The following H2BC21 variants were observed in gnomAD, a reference collection of about 807,000 sequenced individuals.
H2BC21 encodes the protein histone H2B type 2-E.
H2BC21 carries 2 observed loss-of-function variants against 6.2 expected under a neutral mutation model. That is an observed-to-expected ratio of 0.32 (90% CI 0.13 to 1.02). The LOEUF (loss-of-function observed/expected upper bound fraction) is 1.02, where lower values mean the gene tolerates loss of function less well. Among genes scored for constraint, H2BC21 ranks in the 50% least tolerant of loss-of-function variants. H2BC21 has a pLI of 0.47. For missense variants in H2BC21, 98 were observed against 172.2 expected (o/e 0.57, Z 2.41); for synonymous variants, 109 against 75.2 (o/e 1.45, Z -2.33).
rs750239745 is a variant in H2BC21 at position 149,886,121 on chromosome 1, T to A, written c.*139A>T. 2 of 1,421,628 alleles carry A rather than the reference T, an allele frequency of 1.4e-6. No homozygotes were observed. Among genetic ancestry groups the A allele is most frequent in the African/African-American group, 2.9e-5 (2 of 68,964 alleles). The allele number at this position is 1,421,628 out of a possible 1,614,324, so 88.1% of individuals were successfully genotyped here. The stretch of plus-strand genomic sequence containing the variant: ...ATTTCCCATGACCTTCACACTAAAA[T>A]AACTTACTTTATGAAAAGAAACTAA... On this transcript the variant is annotated 3_prime_UTR_variant, in exon 1 of 1. Coordinates refer to ENST00000369155, the MANE Select transcript of H2BC21 (RefSeq NM_003528.3).
In H2BC21 at chr1:149,886,617, A is replaced by G; in HGVS notation, c.24T>C (p.Ala8=). The change falls in exon 1 of 1, where the codon GCT becomes GCC. Residue 8 remains alanine (A), a synonymous_variant. Transcript: ENST00000369155. MPEPAKS[A]PAPKKGSKKA... ...TCTTGGAGCCCTTTTTAGGGGCCGG[A>G]GCGGATTTTGCCGGTTCAGGCATGG... The G allele has an allele frequency of 6.2e-7, 1 of 1,613,836 alleles. No homozygotes were observed. The highest frequency in any genetic ancestry group is 1.1e-5 in the South Asian group (1 of 91,072).
rs1553759522 is a variant in H2BC21 at position 149,885,203 on chromosome 1, A to G, written c.*1057T>C. On this transcript the variant is annotated 3_prime_UTR_variant, in exon 1 of 1. Coordinates refer to ENST00000369155, the MANE Select transcript of H2BC21 (RefSeq NM_003528.3). ...AATGAACAGCACCCTTCATCCATCC[A>G]CGGAAGCGATTAAGAAAAGGGTGGG... 2 of 152,648 alleles carry G rather than the reference A, an allele frequency of 1.3e-5. No individual in the cohort carries two copies. Among genetic ancestry groups the G allele is most frequent in the Non-Finnish European group, 2.9e-5 (2 of 68,052 alleles). 9.5% of individuals were successfully genotyped at this position (152,648 alleles called of 1,614,324 possible).
Position 149,885,732 on chromosome 1 carries a change from A to C in H2BC21, c.*528T>G, listed in dbSNP as rs2092293485. ...AATACACAGAACGGCTGGTATCCAC[A>C]GGAGGCCCCATCGCACGGCAGAACT... On this transcript the variant is annotated 3_prime_UTR_variant, in exon 1 of 1. Transcript: ENST00000369155. 1 of 185,042 alleles carries C rather than the reference A, an allele frequency of 5.4e-6. No homozygotes were observed. Among genetic ancestry groups the C allele is most frequent in the African/African-American group, 2.4e-5 (1 of 41,630 alleles). 11.5% of individuals were successfully genotyped at this position (185,042 alleles called of 1,614,324 possible).
rs781856672 is a variant in H2BC21, at chr1:149,886,380, G to A, written c.261C>T (p.Arg87=). ...EASRLAHYNK[R]STITSREIQT... is the part of the protein sequence containing the mutation. ...GGATCTCGCGGGATGTGATGGTGGA[G>A]CGCTTGTTGTAGTGCGCCAGGCGGG... Residue 87 remains arginine, a synonymous_variant, in exon 1 of 1, where the codon CGC becomes CGT. Coordinates refer to ENST00000369155, the MANE Select transcript of H2BC21 (RefSeq NM_003528.3). 6 of 1,614,116 alleles carry A rather than the reference G, an allele frequency of 3.7e-6. No homozygotes were observed. Among genetic ancestry groups the A allele is most frequent in the South Asian group, 1.1e-5 (1 of 91,092 alleles).
Position 149,886,556 on chromosome 1 carries a change from T to G in H2BC21, c.85A>C (p.Lys29Gln). The change falls in exon 1 of 1, where the codon AAG becomes CAG. Residue 29 changes from lysine to glutamine, a missense_variant. Coordinates refer to ENST00000369155, the MANE Select transcript of H2BC21 (RefSeq NM_003528.3). ...CTCTCTTTGCGGCTGCGCTTGCGCTTCTTGCCGTCTTTCTTCTGGGCTTTG... is the reference window on the plus strand; with the variant it reads ...CTCTCTTTGCGGCTGCGCTTGCGCTGCTTGCCGTCTTTCTTCTGGGCTTTG... Reference protein sequence around the residue: ...VTKAQKKDGKKRKRSRKESYS... With the variant: ...VTKAQKKDGKQRKRSRKESYS... 6.2e-7 allele frequency: 1 copy of G among 1,614,262 alleles called. No individual in the cohort carries two copies. The highest frequency in any genetic ancestry group is 8.5e-7 in the Non-Finnish European group (1 of 1,180,040).
chr1:149,886,181 G>C lies in H2BC21; in HGVS notation c.*79C>G. 6.2e-7 allele frequency: 1 copy of C among 1,606,392 alleles called. No individual in the cohort carries two copies. The highest frequency in any genetic ancestry group is 8.5e-7 in the Non-Finnish European group (1 of 1,174,742). ...TGAACAAGCTCTTTTCTAGTGATTA[G>C]GTGGGTGGCTCTGAAAAGAGCCTTT... On this transcript the variant is annotated 3_prime_UTR_variant, in exon 1 of 1. Transcript: ENST00000369155.
rs1313960924 is a variant in H2BC21 at position 149,886,459 on chromosome 1, C to A, written c.182G>T (p.Gly61Val). The A allele has an allele frequency of 6.2e-7, 1 of 1,614,144 alleles. No homozygotes were observed. The highest frequency in any genetic ancestry group is 1.7e-5 in the Admixed American group (1 of 60,016). The change falls in exon 1 of 1, where the codon GGC (glycine) becomes GTC (valine). Residue 61 changes from glycine to valine, a missense_variant. Physicochemically the swap from Gly to Val is moderately radical, Grantham distance 109. This residue lies in a region of H2BC21 where 48 missense variants were observed against 137.8 expected (regional missense o/e 0.35). Coordinates refer to ENST00000369155, the MANE Select transcript of H2BC21 (RefSeq NM_003528.3). Reference sequence around the variant, plus strand: ...GTCGTTGACGAAGGAGTTCATGATGCCCATGGCCTTGGACGAGATGCCGGT... The same window carrying A: ...GTCGTTGACGAAGGAGTTCATGATGACCATGGCCTTGGACGAGATGCCGGT... ...PDTGISSKAM[G>V]IMNSFVNDIF...
At position 149,884,674 on chromosome 1, in the gene H2BC21, G is replaced by A. The variant is rs2092286286; in HGVS notation, c.*1586C>T. On this transcript the variant is annotated 3_prime_UTR_variant, in exon 1 of 1. Coordinates refer to ENST00000369155, the MANE Select transcript of H2BC21 (RefSeq NM_003528.3). ...GTCTTCCTCGGCAGAATCAAGGGTT[G>A]GACAGAAAGAGTAAATATTCTGCAC... 6.6e-6 allele frequency: 1 copy of A among 152,090 alleles called. No individual in the cohort carries two copies. The highest frequency in any genetic ancestry group is 6.6e-5 in the Admixed American group (1 of 15,254). The allele number at this position is 152,090 out of a possible 1,614,324, so 9.4% of individuals were successfully genotyped here.
rs1201543558 is a variant in H2BC21, at chr1:149,884,721, T to C, written c.*1539A>G. On this transcript the variant is annotated 3_prime_UTR_variant, in exon 1 of 1. Transcript: ENST00000369155. ...GCACCTCCACAAAATAAAACTAAAA[T>C]GCAATTGTCCTGCATCTGAGAATAC... 2 of 152,154 alleles carry C rather than the reference T, an allele frequency of 1.3e-5. No homozygotes were observed. The highest frequency in any genetic ancestry group is 6.5e-5 in the Admixed American group (1 of 15,278). The allele number at this position is 152,154 out of a possible 1,614,324, so 9.4% of individuals were successfully genotyped here. A position where few individuals can be genotyped will look rare whatever the true frequency, so the allele number is the denominator to read the frequency against.
chr1:149,885,939 G>T lies in H2BC21; in HGVS notation c.*321C>A. ...AGGGCGCGTGTGGGGCGGGAGTGGG[G>T]GCGGGTAAAGAGGCGGATTCCCAAC... is the stretch of plus-strand genomic sequence containing the variant. On this transcript the variant is annotated 3_prime_UTR_variant, in exon 1 of 1. Transcript: ENST00000369155. 1 of 418,090 alleles carries T rather than the reference G, an allele frequency of 2.4e-6. No individual in the cohort carries two copies. Among genetic ancestry groups the T allele is most frequent in the Non-Finnish European group, 4.4e-6 (1 of 229,008 alleles). 25.9% of individuals were successfully genotyped at this position (418,090 alleles called of 1,614,324 possible). A position where few individuals can be genotyped will look rare whatever the true frequency, so the allele number is the denominator to read the frequency against.
At position 149,886,229 on chromosome 1, in the gene H2BC21, G is replaced by C. The variant is rs1553759684; in HGVS notation, c.*31C>G. The stretch of plus-strand genomic sequence containing the variant: ...TTTGGAGTCAAGCAGCCGGCGACTC[G>C]AGCGAGCGAGCGCCAGGTCCCGGCA... On this transcript the variant is annotated 3_prime_UTR_variant, in exon 1 of 1. Coordinates refer to ENST00000369155, the MANE Select transcript of H2BC21 (RefSeq NM_003528.3). The C allele has an allele frequency of 5.6e-6, 9 of 1,613,916 alleles. No individual in the cohort carries two copies. Among genetic ancestry groups the C allele is most frequent in the South Asian group, 2.2e-5 (2 of 91,074 alleles).
rs782036956 is a variant in H2BC21 at position 149,886,228 on chromosome 1, C to T, written c.*32G>A. The T allele has an allele frequency of 6.2e-6, 10 of 1,613,808 alleles. No homozygotes were observed. The highest frequency in any genetic ancestry group is 6.8e-6 in the Non-Finnish European group (8 of 1,179,922). ...CTTTGGAGTCAAGCAGCCGGCGACT[C>T]GAGCGAGCGAGCGCCAGGTCCCGGC... On this transcript the variant is annotated 3_prime_UTR_variant, in exon 1 of 1. Transcript: ENST00000369155.
rs782705248 is a variant in H2BC21 at position 149,886,371 on chromosome 1, G to A, written c.270C>T (p.Ile90=). 2 of 1,614,222 alleles carry A rather than the reference G, an allele frequency of 1.2e-6. No homozygotes were observed. Among genetic ancestry groups the A allele is most frequent in the East Asian group, 2.2e-5 (1 of 44,852 alleles). ...RLAHYNKRST[I]TSREIQTAVR... is the part of the protein sequence containing the mutation. ...CGGCCGTCTGGATCTCGCGGGATGTGATGGTGGAGCGCTTGTTGTAGTGCG... is the reference window on the plus strand; with the variant it reads ...CGGCCGTCTGGATCTCGCGGGATGTAATGGTGGAGCGCTTGTTGTAGTGCG... The change falls in exon 1 of 1, where the codon ATC becomes ATT. Residue 90 remains isoleucine, a synonymous_variant. Coordinates refer to ENST00000369155, the MANE Select transcript of H2BC21 (RefSeq NM_003528.3).
chr1:149,885,990 G>A lies in H2BC21; in HGVS notation c.*270C>T. On this transcript the variant is annotated 3_prime_UTR_variant, in exon 1 of 1. Coordinates refer to ENST00000369155, the MANE Select transcript of H2BC21 (RefSeq NM_003528.3). ...AGCCTAATTGAGAACCGACTCCTGGGAAGGCTAAGCAGCACAATGAGTAAA... is the reference window on the plus strand; with the variant it reads ...AGCCTAATTGAGAACCGACTCCTGGAAAGGCTAAGCAGCACAATGAGTAAA... The A allele has an allele frequency of 5.3e-6, 3 of 568,504 alleles. No individual in the cohort carries two copies. The highest frequency in any genetic ancestry group is 9.0e-6 in the Non-Finnish European group (3 of 333,050). 35.2% of individuals were successfully genotyped at this position (568,504 alleles called of 1,614,324 possible).
rs1458979182 is a variant in H2BC21 at position 149,885,678 on chromosome 1, T to C, written c.*582A>G. On this transcript the variant is annotated 3_prime_UTR_variant, in exon 1 of 1. Transcript: ENST00000369155. Reference sequence around the variant, plus strand: ...TCTTGTCGCCCAATCAGGACAAGGCTGGGACCCGGCTGCGCGGCCTTCGTC... The same window carrying C: ...TCTTGTCGCCCAATCAGGACAAGGCCGGGACCCGGCTGCGCGGCCTTCGTC... The C allele has an allele frequency of 2.5e-5, 4 of 162,722 alleles. No homozygotes were observed. Among genetic ancestry groups the C allele is most frequent in the African/African-American group, 9.6e-5 (4 of 41,490 alleles). 10.1% of individuals were successfully genotyped at this position (162,722 alleles called of 1,614,324 possible). A position where few individuals can be genotyped will look rare whatever the true frequency, so the allele number is the denominator to read the frequency against.
Position 149,886,045 on chromosome 1 carries a change from A to G in H2BC21, c.*215T>C. On this transcript the variant is annotated 3_prime_UTR_variant, in exon 1 of 1. Transcript: ENST00000369155. The stretch of plus-strand genomic sequence containing the variant: ...CGCTCTAGATTCAAAAGCAAATCCA[A>G]TGACGCACTGGGGACCTCGAGTTCC... 4 of 768,266 alleles carry G rather than the reference A, an allele frequency of 5.2e-6. No individual in the cohort carries two copies. The highest frequency in any genetic ancestry group is 2.9e-5 in the Admixed American group (1 of 34,000). 47.6% of individuals were successfully genotyped at this position (768,266 alleles called of 1,614,324 possible).
Position 149,886,347 on chromosome 1 carries a change from G to A in H2BC21, c.294C>T (p.Ala98=), listed in dbSNP as rs782111935. The A allele has an allele frequency of 6.8e-6, 11 of 1,614,074 alleles. No homozygotes were observed. Among genetic ancestry groups the A allele is most frequent in the African/African-American group, 2.7e-5 (2 of 74,948 alleles). ...GCTCGCCGGGCAGCAGCAGGCGCACGGCCGTCTGGATCTCGCGGGATGTGA... is the reference window on the plus strand; with the variant it reads ...GCTCGCCGGGCAGCAGCAGGCGCACAGCCGTCTGGATCTCGCGGGATGTGA... ...STITSREIQT[A]VRLLLPGELA... is the part of the protein sequence containing the mutation. Residue 98 remains alanine (A), a synonymous_variant, in exon 1 of 1, where the codon GCC becomes GCT. Transcript: ENST00000369155.
At position 149,886,678 on chromosome 1, in the gene H2BC21, G is replaced by T; in HGVS notation, c.-38C>A. On this transcript the variant is annotated 5_prime_UTR_variant, in exon 1 of 1. Coordinates refer to ENST00000369155, the MANE Select transcript of H2BC21 (RefSeq NM_003528.3). The stretch of plus-strand genomic sequence containing the variant: ...TACAAACGCGGCTTAGCCAAGAAAA[G>T]AAGTAAGAGAATGGGCGGGCCTGAT... The T allele has an allele frequency of 6.3e-7, 1 of 1,585,962 alleles. No individual in the cohort carries two copies.
chr1:149,884,828 T>C lies in H2BC21; in HGVS notation c.*1432A>G, dbSNP rs1553759493. ...ATTTGTAAAAAGGAGATTAACTCTG[T>C]AGTCCCGCCTATATTGCATGGCCTC... On this transcript the variant is annotated 3_prime_UTR_variant, in exon 1 of 1. Transcript: ENST00000369155. The C allele has an allele frequency of 1.3e-5, 2 of 152,224 alleles. No individual in the cohort carries two copies. Among genetic ancestry groups the C allele is most frequent in the South Asian group, 2.1e-4 (1 of 4,832 alleles). 9.4% of individuals were successfully genotyped at this position (152,224 alleles called of 1,614,324 possible).
Sources: gnomAD v4.1 joint callset for allele counts on GRCh38, gnomAD v4.1.1 for gene constraint, gnomAD v4.1.1 regional missense constraint, MANE v1.5 for transcripts, NCBI Gene and HGNC (gene_info 2026-07-23, HGNC 2026-07-21) for gene names.